The following ZNF93 variants were observed in gnomAD, a reference collection of about 807,000 sequenced individuals.
ZNF93 encodes zinc finger protein 93.
ZNF93 carries 29 observed loss-of-function variants against 45.0 expected under a neutral mutation model. The ratio of observed to expected loss-of-function variants is 0.64; its 90% CI spans 0.48 to 0.88. The LOEUF is 0.88. ZNF93 is among the 40% of genes least tolerant of loss of function. ZNF93 has a pLI of 0.00. For missense variants in ZNF93, 578 were observed against 724.0 expected (o/e 0.80, Z 2.31); for synonymous variants, 223 against 244.6 (o/e 0.91, Z 0.82).
intron 3 of ZNF93, among the ~76,000 whole-genome samples, chr19:19,929,528 TATAG>T (rs1436650005): frequency 6.6e-6 from 1 of 152,234 alleles, no homozygotes; most frequent in Non-Finnish European, 1.5e-5. Flanking sequence ...CACATATACA[TATAG>T]ATAGATAAAT....
intron 1 of ZNF93, among the ~76,000 whole-genome samples, chr19:19,907,136 G>C (rs1443429826): frequency 6.6e-6 from 1 of 151,796 alleles, no homozygotes; most frequent in South Asian, 2.1e-4. Flanking sequence ...TCTGACCCCA[G>C]ATTGTCTTTA....
intron 3 of ZNF93, chr19:19,932,446 ATC>A (rs1202544014): frequency 6.6e-6 from 1 of 152,010 alleles, no homozygotes; most frequent in Non-Finnish European, 1.5e-5. Flanking sequence ...ATCTCATCCA[ATC>A]TCTGTCTTTT....
intron 3 of ZNF93, among the ~76,000 whole-genome samples, chr19:19,917,260 C>T (rs183224533): frequency 2.8e-4 from 43 of 152,098 alleles, no homozygotes; most frequent in Admixed American, 1.2e-3. Flanking sequence ...GAAAAAAATA[C>T]CACTGCAATT....
chr19:19,921,885 G>C (rs1456630078), intron 3 of ZNF93, among the ~76,000 whole-genome samples: 1 of 152,068 alleles, frequency 6.6e-6, no homozygotes, highest in African/African-American at 2.4e-5. Context: ...GATGGGTCTT[G>C]ACTCTTTATC....
At position 19,935,049 on chromosome 19, in the gene ZNF93, A is replaced by G. The variant is rs1425446654; in HGVS notation, c.*231A>G. On this transcript the variant is annotated 3_prime_UTR_variant, in exon 4 of 4. Transcript: ENST00000343769. ...GTGGTTCAATGACTCAGTTTCAGTT[A>G]CCTGAGCCACAGCTTAAGGTCAGTT... 3.9e-6 allele frequency: 2 copies of G among 510,376 alleles called. No individual in the cohort carries two copies. Among genetic ancestry groups the G allele is most frequent in the Non-Finnish European group, 6.9e-6 (2 of 291,750 alleles). 31.6% of individuals were successfully genotyped at this position (510,376 alleles called of 1,614,324 possible). A position where few individuals can be genotyped will look rare whatever the true frequency, so the allele number is the denominator to read the frequency against.
chr19:19,916,606 A>C lies in ZNF93; in HGVS notation c.177A>C (p.Gly59=), dbSNP rs1039770102. Reference sequence around the variant, plus strand: ...ACCTGATCGCCCATCTGGAGCAAGGAAAAAAACCTTTGACTATGAAGAGAC... The same window carrying C: ...ACCTGATCGCCCATCTGGAGCAAGGCAAAAAACCTTTGACTATGAAGAGAC... ...KPDLIAHLEQ[G]KKPLTMKRHE... Residue 59 remains glycine (G), a synonymous_variant, in exon 3 of 4, where the codon GGA becomes GGC. Transcript: ENST00000343769. 1 of 1,611,530 alleles carries C rather than the reference A, an allele frequency of 6.2e-7. No individual in the cohort carries two copies. The highest frequency in any genetic ancestry group is 1.3e-5 in the African/African-American group (1 of 74,734).
In ZNF93 at chr19:19,901,000, G is replaced by T. The variant is rs1356641958; in HGVS notation, c.-89G>T. ...TCCTCTTCACTACTCTGTGTCCTGT[G>T]CTCCTACAGGCCCAGCCTCTGTGGC... On this transcript the variant is annotated 5_prime_UTR_variant, in exon 1 of 4. Transcript: ENST00000343769. The T allele has an allele frequency of 7.6e-6, 12 of 1,576,490 alleles. No homozygotes were observed. The East Asian group carries it at 1.3e-4, about 18-fold the overall frequency.
intron 1 of ZNF93, among the ~76,000 whole-genome samples, chr19:19,912,085 A>T (rs2063310306): frequency 6.6e-6 from 1 of 152,128 alleles, no homozygotes; most frequent in South Asian, 2.1e-4. Flanking sequence ...CTAACTGTAG[A>T]TATTTATTTT....
At chr19:19,914,824 T>C in intron 1 of ZNF93, 1 of 368,158 alleles carries the variant, frequency 2.7e-6, no homozygotes, top group South Asian at 2.0e-5. Flanking sequence ...ACATTTTTGG[T>C]GAGCTTGTTA....
At chr19:19,916,688 A>G in intron 3 of ZNF93, 33 bp downstream of exon 3, 1 of 1,523,480 alleles carries the variant, frequency 6.6e-7, no homozygotes, top group Non-Finnish European at 9.0e-7. Flanking sequence ...ACAACAGACA[A>G]CACAGTAAGA....
At chr19:19,911,427 T>C (rs960274445) in intron 1 of ZNF93, among the ~76,000 whole-genome samples, 2 of 152,250 alleles carry the variant, frequency 1.3e-5, no homozygotes, top group Admixed American at 6.5e-5. Flanking sequence ...ACAAGAGATA[T>C]CTTTGGTTGG....
intron 1 of ZNF93, among the ~76,000 whole-genome samples, chr19:19,904,980 G>C (rs932181241): frequency 6.6e-6 from 1 of 150,698 alleles, no homozygotes; most frequent in African/African-American, 2.4e-5. Flanking sequence ...TTTTTTCAAA[G>C]AATTCACAAG....
chr19:19,910,809 GC>G (rs1178828886), intron 1 of ZNF93, among the ~76,000 whole-genome samples: 5 of 152,128 alleles, frequency 3.3e-5, no homozygotes, highest in Non-Finnish European at 7.4e-5. Flanking sequence ...TCTGGCCTCT[GC>G]CTGGGATTTA....
chr19:19,914,549 C>T (rs1005739576), intron 1 of ZNF93, among the ~76,000 whole-genome samples: 5 of 152,208 alleles, frequency 3.3e-5, no homozygotes, highest in Middle Eastern at 3.2e-3. Context: ...TAATGATTCA[C>T]TTGGTGAAGT....
At chr19:19,904,635 C>G (rs191195935) in intron 1 of ZNF93, among the ~76,000 whole-genome samples, 6 of 152,222 alleles carry the variant, frequency 3.9e-5, no homozygotes, top group Non-Finnish European at 8.8e-5. Context: ...GTTTGATGTT[C>G]AGCAAACTAC....
At chr19:19,903,688 C>G (rs1016557658) in intron 1 of ZNF93, among the ~76,000 whole-genome samples, 4 of 152,104 alleles carry the variant, frequency 2.6e-5, no homozygotes, top group African/African-American at 9.7e-5. Flanking sequence ...ATCGCTAGAA[C>G]CCGAGAAGCA....
intron 1 of ZNF93, chr19:19,908,843 CAAAAAAAAAAAAAA>C (rs35508249): frequency 1.4e-5 from 1 of 73,258 alleles, no homozygotes; most frequent in Non-Finnish European, 2.5e-5. Flanking sequence ...AACTCCGTCT[CAAAAAAAAAAAAAA>C]AAAAAAAAAA....
chr19:19,930,068 C>G (rs1020015088), intron 3 of ZNF93, among the ~76,000 whole-genome samples: 11 of 151,538 alleles, frequency 7.3e-5, no homozygotes, highest in African/African-American at 1.9e-4. Context: ...GAATGTCTGG[C>G]TGCAGTGTTA....
Position 19,917,056 on chromosome 19 carries a change from G to C in ZNF93, c.226+401G>C, listed in dbSNP as rs142960489. On this transcript the variant is annotated intron_variant, in intron 3 of 3. Transcript: ENST00000343769. Reference sequence around the variant, plus strand: ...ATCAGGTCTAAAATGTGTGAGAGTAGTTTCTGTTGCATTTTTTTGTTCATT... The same window carrying C: ...ATCAGGTCTAAAATGTGTGAGAGTACTTTCTGTTGCATTTTTTTGTTCATT... Among the ~76,000 whole-genome samples the C allele has an allele frequency of 1.8e-4, 28 of 151,970 alleles. No homozygotes were observed. In the East Asian group the frequency reaches 5.2e-3, roughly 28 times the overall value.
Sources: allele counts gnomAD v4.1 joint callset (sites outside exome capture counted in the v4.1 genomes callset), GRCh38; gene constraint gnomAD v4.1.1; transcripts MANE v1.5; gene names NCBI Gene and HGNC (gene_info 2026-07-23, HGNC 2026-07-21).